OTUD7B: variants seen among roughly 807,000 people sequenced by gnomAD.
The protein encoded by OTUD7B is OTU deubiquitinase 7B, also known as OTU domain-containing protein 7B.
In OTUD7B, 34 loss-of-function variants were observed where a neutral mutation model predicts 82.2. The ratio of observed to expected loss-of-function variants is 0.41; its 90% CI spans 0.31 to 0.55. The LOEUF (loss-of-function observed/expected upper bound fraction) is 0.55. Among genes scored for constraint, OTUD7B ranks in the 20% least tolerant of loss-of-function variants. The pLI is 0.20. For missense variants in OTUD7B, 944 were observed against 1,062.1 expected, an observed-to-expected ratio of 0.89 and a Z score of 1.55; for synonymous variants, 398 against 402.7, an observed-to-expected ratio of 0.99 and a Z score of 0.14.
chr1:150,057,787 G>T, the OTUD7B span, among the ~76,000 whole-genome samples: 1 of 152,134 alleles, frequency 6.6e-6, no homozygotes, highest in Non-Finnish European at 1.5e-5. Context: ...GTCCAATAAA[G>T]TACTTTTCAT....
At chr1:150,009,525 CCTG>C (rs1652886083) in intron 1 of OTUD7B, among the ~76,000 whole-genome samples, 1 of 152,228 alleles carries the variant, frequency 6.6e-6, no homozygotes, top group Non-Finnish European at 1.5e-5. Context: ...AAGTCAACGT[CCTG>C]CTAATTCTAG....
the OTUD7B span, among the ~76,000 whole-genome samples, chr1:150,041,994 T>C: frequency 6.6e-6 from 1 of 152,158 alleles, no homozygotes; most frequent in South Asian, 2.1e-4. Flanking sequence ...CAGTATTGTC[T>C]TTAATTTCCA....
At position 149,965,360 on chromosome 1, in the gene OTUD7B, C is replaced by T. The variant is rs1231587302; in HGVS notation, c.604+417G>A. On this transcript the variant is annotated intron_variant, in intron 5 of 11. Transcript: ENST00000581312. ...CAGCCTGGGCAACAGAGTGAGACTCCGTCTCAAAAACTAAATAAATAAATA... is the reference window on the plus strand; with the variant it reads ...CAGCCTGGGCAACAGAGTGAGACTCTGTCTCAAAAACTAAATAAATAAATA... Among the ~76,000 whole-genome samples the T allele has an allele frequency of 4.6e-5, 7 of 152,092 alleles. No homozygotes were observed. In the South Asian group the frequency reaches 6.2e-4, roughly 14 times the overall value.
In OTUD7B at chr1:149,944,192, G is replaced by C. The variant is rs1270015212; in HGVS notation, c.2197C>G (p.Gln733Glu). Reference sequence around the variant, plus strand: ...GGGTAGGGTCGCCCAGGAGGGCACTGTCTGGGGAAGGTGGCATATGGTGGT... The same window carrying C: ...GGGTAGGGTCGCCCAGGAGGGCACTCTCTGGGGAAGGTGGCATATGGTGGT... ...GLPPYATFPR[Q>E]CPPGRPYPHQ... Residue 733 changes from glutamine (Q) to glutamate (E), a missense_variant, in exon 12 of 12, where the codon CAG (glutamine) becomes GAG (glutamate). Gln to Glu is a conservative substitution (Grantham distance 29). Coordinates refer to ENST00000581312, the MANE Select transcript of OTUD7B (RefSeq NM_020205.4). 3.7e-6 allele frequency: 6 copies of C among 1,613,662 alleles called. No individual in the cohort carries two copies. The highest frequency in any genetic ancestry group is 3.3e-5 in the Admixed American group (2 of 59,986).
chr1:150,059,212 C>A, the OTUD7B span, among the ~76,000 whole-genome samples: 2 of 144,060 alleles, frequency 1.4e-5, no homozygotes, highest in Non-Finnish European at 3.0e-5. Context: ...TGCCACCACA[C>A]CTGGCTAATT....
the OTUD7B span, among the ~76,000 whole-genome samples, chr1:150,050,200 A>G: frequency 1.3e-5 from 2 of 152,216 alleles, no homozygotes; most frequent in Non-Finnish European, 2.9e-5. Context: ...TCTCAAAAAA[A>G]AAAGCATGCT....
chr1:150,051,183 T>C, the OTUD7B span, among the ~76,000 whole-genome samples: 212 of 136,780 alleles, frequency 1.5e-3, no homozygotes, highest in African/African-American at 5.5e-3. Flanking sequence ...GAACCGAGAT[T>C]GCGCCATTGC....
intron 1 of OTUD7B, among the ~76,000 whole-genome samples, chr1:149,990,501 A>G (rs782204336): frequency 1.3e-5 from 2 of 152,336 alleles, no homozygotes; most frequent in South Asian, 2.1e-4. Context: ...TTGTCCCATC[A>G]AGATGTATAA....
In OTUD7B at chr1:149,964,293, T is replaced by A; in HGVS notation, c.661A>T (p.Met221Leu). 1 of 1,614,064 alleles carries A rather than the reference T, an allele frequency of 6.2e-7. No individual in the cohort carries two copies. The highest frequency in any genetic ancestry group is 8.5e-7 in the Non-Finnish European group (1 of 1,180,014). Residue 221 changes from methionine to leucine, a missense_variant, in exon 6 of 12, where the codon ATG becomes TTG. Met to Leu is a conservative substitution (Grantham distance 15). This residue lies in a region of OTUD7B where 530 missense variants were observed against 625.6 expected (regional missense o/e 0.85). Transcript: ENST00000581312. ...LMLRKALYAL[M>L]EKGVEKEALK... The stretch of plus-strand genomic sequence containing the variant: ...GCTTCCTTCTCAACTCCCTTCTCCA[T>A]CAGTGCATACAAAGCTTTCCGCAGC...
the OTUD7B span, among the ~76,000 whole-genome samples, chr1:150,032,707 GGAGGAGGAA>G: frequency 6.6e-6 from 1 of 151,562 alleles, no homozygotes; most frequent in Non-Finnish European, 1.5e-5. Flanking sequence ...AGGAGGAGGA[GGAGGAGGAA>G]GAAGAAGAAG....
intron 1 of OTUD7B, among the ~76,000 whole-genome samples, chr1:149,982,841 CTTT>C (rs34122678): frequency 1.3e-4 from 11 of 84,176 alleles, no homozygotes; most frequent in Admixed American, 2.0e-4. Context: ...TCCTCTCTTA[CTTT>C]TTTTTTTTTT....
intron 1 of OTUD7B, among the ~76,000 whole-genome samples, chr1:150,009,795 G>C (rs1652908943): frequency 6.6e-6 from 1 of 152,074 alleles, no homozygotes; most frequent in Non-Finnish European, 1.5e-5. Flanking sequence ...CGTTAACCTA[G>C]TAATTATGAG....
the OTUD7B span, among the ~76,000 whole-genome samples, chr1:150,032,454 AC>A: frequency 9.5e-6 from 1 of 105,738 alleles, no homozygotes; most frequent in East Asian, 3.2e-4. Context: ...CATAGCAAGA[AC>A]CTGTCTACAG....
At position 149,959,883 on chromosome 1, in the gene OTUD7B, T is replaced by C. The variant is rs1008277001; in HGVS notation, c.733-87A>G. On this transcript the variant is annotated intron_variant, in intron 6 of 11. Transcript: ENST00000581312. ...CTATTCCACCTTATTCACTGTTACTTACTCCCTAATCCCTTAGCACTTGGT... is the reference window on the plus strand; with the variant it reads ...CTATTCCACCTTATTCACTGTTACTCACTCCCTAATCCCTTAGCACTTGGT... 1.2e-5 allele frequency: 10 copies of C among 816,382 alleles called. No individual in the cohort carries two copies. In the South Asian group the frequency reaches 1.3e-4, roughly 10 times the overall value. The allele number at this position is 816,382 out of a possible 1,614,324, so 50.6% of individuals were successfully genotyped here.
At chr1:150,042,380 CCAGGCTGG>C in the OTUD7B span, among the ~76,000 whole-genome samples, 1 of 151,764 alleles carries the variant, frequency 6.6e-6, no homozygotes, top group Admixed American at 6.6e-5. Context: ...ACCATGTTGG[CCAGGCTGG>C]TCTCGAGCTC....
In OTUD7B at chr1:149,943,967, T is replaced by C; in HGVS notation, c.2422A>G (p.Ser808Gly). 1 of 1,614,232 alleles carries C rather than the reference T, an allele frequency of 6.2e-7. No individual in the cohort carries two copies. Among genetic ancestry groups the C allele is most frequent in the Non-Finnish European group, 8.5e-7 (1 of 1,180,038 alleles). Reference sequence around the variant, plus strand: ...TTTGTCTCAGGGTGTCCATAGAAGCTGCAGTTCGGTTGTTTGCATTTGGTC... The same window carrying C: ...TTTGTCTCAGGGTGTCCATAGAAGCCGCAGTTCGGTTGTTTGCATTTGGTC... ...TQTKCKQPNC[S>G]FYGHPETNNF... Residue 808 changes from serine (S) to glycine (G), a missense_variant, in exon 12 of 12, where the codon AGC becomes GGC. This residue lies in a region of OTUD7B where 412 missense variants were observed against 418.7 expected (regional missense o/e 0.98). Transcript: ENST00000581312.
chr1:150,014,444 C>T (rs1653212952), upstream of OTUD7B, among the ~76,000 whole-genome samples: 1 of 141,484 alleles, frequency 7.1e-6, no homozygotes. Flanking sequence ...TAATGTTAAA[C>T]ACATTCCTAC....
Position 149,960,948 on chromosome 1 carries a change from A to T in OTUD7B, c.733-1152T>A, listed in dbSNP as rs112412027. 5.2e-3 allele frequency: 417 copies of T among 80,328 alleles called. 2 individuals are homozygous for T. Among genetic ancestry groups the T allele is most frequent in the Middle Eastern group, 0.012 (1 of 82 alleles). The allele number at this position is 80,328 out of a possible 1,614,324, so 5.0% of individuals were successfully genotyped here. ...CTTTTTTTTTTTTTTTTTTTTTGAG[A>T]CAGAGTCTCACTCTGTCGCCCAGGC... On this transcript the variant is annotated intron_variant, in intron 6 of 11. Coordinates refer to ENST00000581312, the MANE Select transcript of OTUD7B (RefSeq NM_020205.4).
In OTUD7B at chr1:149,950,799, C is replaced by CT. The variant is rs782415026; in HGVS notation, c.846-579dup. On this transcript the variant is annotated intron_variant, in intron 7 of 11. Transcript: ENST00000581312. ...TCCCGTGTGTTTTTTGTTTTTTTTTCTTTTTTTTTTTTGAGATAGAGTCTC... is the reference window on the plus strand; with the variant it reads ...TCCCGTGTGTTTTTTGTTTTTTTTTCTTTTTTTTTTTTTGAGATAGAGTCTC... Among the ~76,000 whole-genome samples, 720 of 128,242 alleles carry CT rather than the reference C, an allele frequency of 5.6e-3. 43 individuals carry two copies. The highest frequency in any genetic ancestry group is 0.017 in the African/African-American group (583 of 34,660). The allele number at this position is 128,242 out of a possible 152,430, so 84.1% of individuals were successfully genotyped here.
Sources: allele counts gnomAD v4.1 joint callset (sites outside exome capture counted in the v4.1 genomes callset), GRCh38; gene constraint gnomAD v4.1.1; regional missense constraint gnomAD v4.1.1; transcripts MANE v1.5; gene names NCBI Gene and HGNC (gene_info 2026-07-23, HGNC 2026-07-21).